KDM5A: variants seen among roughly 807,000 people sequenced by gnomAD.
The protein encoded by KDM5A is lysine demethylase 5A.
A neutral mutation model predicts 193.5 loss-of-function variants in KDM5A; 42 were observed. That is an observed-to-expected ratio of 0.22 (90% CI 0.17 to 0.28). The LOEUF (loss-of-function observed/expected upper bound fraction) is 0.28. KDM5A is among the 10% of genes least tolerant of loss of function. The pLI, the probability that KDM5A is intolerant of heterozygous loss-of-function variation, is 1.00. For synonymous variants in KDM5A, 796 were observed against 718.1 expected, an observed-to-expected ratio of 1.11 and a Z score of -1.73; for missense variants, 1,692 against 2,055.1, an observed-to-expected ratio of 0.82 and a Z score of 3.42.
rs1944216676 is a variant in KDM5A at position 355,182 on chromosome 12, C to A, written c.846G>T (p.Arg282=). 1.2e-6 allele frequency: 2 copies of A among 1,609,950 alleles called. No homozygotes were observed. The highest frequency in any genetic ancestry group is 1.7e-6 in the Non-Finnish European group (2 of 1,176,288). ...SDAFNMQMRQ[R]KGTLSVNFVD... is the part of the protein sequence containing the mutation. ...CAAAGTTAACAGAGAGAGTGCCTTT[C>A]CGTTGTCTCATTTGCATGTTAAATG... is the stretch of plus-strand genomic sequence containing the variant. Residue 282 remains arginine, a synonymous_variant, in exon 7 of 28, where the codon CGG becomes CGT. Transcript: ENST00000399788.
intron 13 of KDM5A, among the ~76,000 whole-genome samples, chr12:329,815 C>CA (rs549287038): frequency 2.0e-5 from 3 of 152,080 alleles, no homozygotes; most frequent in Non-Finnish European, 4.4e-5. Flanking sequence ...CGTATATACG[C>CA]ACTCCAACTT....
chr12:369,687 T>C (rs1565549160), intron 3 of KDM5A, among the ~76,000 whole-genome samples: 1 of 152,162 alleles, frequency 6.6e-6, no homozygotes. Flanking sequence ...GTCAGAAGCA[T>C]GTCTAGAGTG....
intron 14 of KDM5A, among the ~76,000 whole-genome samples, chr12:327,447 C>T (rs1258294609): frequency 6.6e-6 from 1 of 152,202 alleles, no homozygotes; most frequent in Admixed American, 6.5e-5. Context: ...CAGTGGTTCA[C>T]ACCTGTAATC....
At chr12:322,733 A>C (rs1359133323) in intron 16 of KDM5A, among the ~76,000 whole-genome samples, 166 bp from the exon 17 acceptor site, 1 of 152,204 alleles carries the variant, frequency 6.6e-6, no homozygotes, top group East Asian at 1.9e-4. Flanking sequence ...ATAAAAGCTA[A>C]CAACCAGGTG....
Position 354,172 on chromosome 12 carries a change from A to G in KDM5A, c.933T>C (p.Cys311=). Residue 311 remains cysteine (C), a synonymous_variant, in exon 8 of 28, where the codon TGT becomes TGC. Transcript: ENST00000399788. The part of the protein sequence containing the change: ...RGNNEDKLLL[C]DGCDDSYHTF... ...TATGATAGCTGTCATCACATCCATC[A>G]CACAAAAGCAATTTATCTTCATTGT... The G allele has an allele frequency of 6.2e-7, 1 of 1,612,006 alleles. No homozygotes were observed. Among genetic ancestry groups the G allele is most frequent in the Non-Finnish European group, 8.5e-7 (1 of 1,178,146 alleles).
chr12:321,872 A>T (rs572343438), intron 17 of KDM5A, among the ~76,000 whole-genome samples: 1 of 152,192 alleles, frequency 6.6e-6, no homozygotes, highest in Non-Finnish European at 1.5e-5. Context: ...TCTAAGCACA[A>T]GAAATATGGC....
In KDM5A at chr12:340,716, A is replaced by AAC. The variant is rs1344620520; in HGVS notation, c.1309-6295_1309-6294insGT. On this transcript the variant is annotated intron_variant, in intron 10 of 27. Coordinates refer to ENST00000399788, the MANE Select transcript of KDM5A (RefSeq NM_001042603.3). The stretch of plus-strand genomic sequence containing the variant: ...TCACAAAAAAAAAAAAAAAAAAAAA[A>AAC]AAACCATTAGCACAAATGCTTGACC... Among the ~76,000 whole-genome samples the AAC allele has an allele frequency of 4.3e-3, 640 of 150,576 alleles. 2 individuals carry two copies. The highest frequency in any genetic ancestry group is 0.015 in the African/African-American group (602 of 40,382).
chr12:295,742 C>G lies in KDM5A; in HGVS notation c.4286G>C (p.Ser1429Thr). ...QPRKSPLVPR[S>T]LEPPVLELSP... Reference sequence around the variant, plus strand: ...CAACTCCAGCACTGGAGGTTCCAAACTTCGGGGCACCAAAGGGCTCTTCCG... The same window carrying G: ...CAACTCCAGCACTGGAGGTTCCAAAGTTCGGGGCACCAAAGGGCTCTTCCG... Residue 1429 changes from serine (S) to threonine (T), a missense_variant, in exon 26 of 28, where the codon AGT becomes ACT. Ser to Thr is a moderately conservative substitution (Grantham distance 58). Around this residue, in one of 11 missense-constraint regions of KDM5A, gnomAD observed 965 missense variants for 1,061.0 expected, o/e 0.91. Coordinates refer to ENST00000399788, the MANE Select transcript of KDM5A (RefSeq NM_001042603.3). 1 of 1,614,120 alleles carries G rather than the reference C, an allele frequency of 6.2e-7. No homozygotes were observed.
Position 307,233 on chromosome 12 carries a change from T to G in KDM5A, c.3931-144A>C. 9.2e-7 allele frequency: 1 copy of G among 1,089,842 alleles called. No homozygotes were observed. Among genetic ancestry groups the G allele is most frequent in the Non-Finnish European group, 1.4e-6 (1 of 734,470 alleles). 67.5% of individuals were successfully genotyped at this position (1,089,842 alleles called of 1,614,324 possible). Reference sequence around the variant, plus strand: ...AACAGTTAGTAGAAATCAAATTATTTGATTATGATGCCAAAGTCCACCTGA... The same window carrying G: ...AACAGTTAGTAGAAATCAAATTATTGGATTATGATGCCAAAGTCCACCTGA... On this transcript the variant is annotated intron_variant, in intron 23 of 27. Transcript: ENST00000399788. This position sits in a 1 kb window ranked among gnomAD's most constrained non-coding sequence, Gnocchi z 4.3.
chr12:378,684 C>A (rs1331856188), intron 3 of KDM5A, among the ~76,000 whole-genome samples: 3 of 152,206 alleles, frequency 2.0e-5, no homozygotes, highest in Admixed American at 6.5e-5. Context: ...TTCAGCCAGG[C>A]ACGGTGGCTC....
At position 284,501 on chromosome 12, in the gene KDM5A, G is replaced by A. The variant is rs916717189; in HGVS notation, c.*955C>T. The A allele has an allele frequency of 3.4e-5, 8 of 232,584 alleles. No individual in the cohort carries two copies. The highest frequency in any genetic ancestry group is 6.0e-5 in the Non-Finnish European group (7 of 117,454). 14.4% of individuals were successfully genotyped at this position (232,584 alleles called of 1,614,324 possible). A position where few individuals can be genotyped will look rare whatever the true frequency, so the allele number is the denominator to read the frequency against. On this transcript the variant is annotated 3_prime_UTR_variant, in exon 28 of 28. Coordinates refer to ENST00000399788, the MANE Select transcript of KDM5A (RefSeq NM_001042603.3). ...GGTCAGGGCTGCAAGGCAAAAAGCT[G>A]TTATTTGCTGGTCTTGCTCATGGCC...
chr12:355,115 A>G, intron 7 of KDM5A, 43 bp downstream of exon 7: 1 of 1,215,572 alleles, frequency 8.2e-7, no homozygotes, highest in Non-Finnish European at 1.2e-6. Context: ...AAACTATAAT[A>G]AAAATAAATC....
intron 3 of KDM5A, among the ~76,000 whole-genome samples, chr12:371,251 A>C (rs549983470): frequency 6.6e-6 from 1 of 152,232 alleles, no homozygotes; most frequent in African/African-American, 2.4e-5. Context: ...AATTGTTCCT[A>C]TTTCTCCACA....
At chr12:289,907 C>CTTTTTT (rs750918968) in intron 27 of KDM5A, among the ~76,000 whole-genome samples, 16 of 99,654 alleles carry the variant, frequency 1.6e-4, no homozygotes, top group Non-Finnish European at 2.5e-4. Flanking sequence ...TTCTTTCTTT[C>CTTTTTT]TTTTTTTTTT....
At chr12:378,506 C>A (rs530271115) in intron 3 of KDM5A, among the ~76,000 whole-genome samples, 2 of 152,316 alleles carry the variant, frequency 1.3e-5, no homozygotes, top group Non-Finnish European at 2.9e-5. Context: ...CTCAAATGAT[C>A]CTCCTGCCTC....
At chr12:322,281 G>C (rs1399109435) in intron 17 of KDM5A, 136 bp downstream of exon 17, 5 of 726,834 alleles carry the variant, frequency 6.9e-6, no homozygotes, top group Non-Finnish European at 9.5e-6. Flanking sequence ...TAAAACTGGA[G>C]CATTACTGGG....
chr12:305,916 A>G (rs1308976725), intron 24 of KDM5A, among the ~76,000 whole-genome samples: 1 of 151,098 alleles, frequency 6.6e-6, no homozygotes, highest in Non-Finnish European at 1.5e-5. Context: ...GTGACATTCT[A>G]TCTAGCACCA....
intron 3 of KDM5A, among the ~76,000 whole-genome samples, chr12:376,345 G>C (rs2137487128): frequency 6.6e-6 from 1 of 152,330 alleles, no homozygotes; most frequent in Middle Eastern, 3.4e-3. Context: ...TGCTAGCAAT[G>C]AGCGAGGCTC....
At chr12:317,341 T>C (rs2137402334) in intron 19 of KDM5A, among the ~76,000 whole-genome samples, 1 of 152,342 alleles carries the variant, frequency 6.6e-6, no homozygotes, top group Non-Finnish European at 1.5e-5. Context: ...ACCTAAGTTC[T>C]TATTTTTCTC....
Sources: allele counts gnomAD v4.1 joint callset (sites outside exome capture counted in the v4.1 genomes callset), GRCh38; gene constraint gnomAD v4.1.1; regional missense constraint gnomAD v4.1.1; non-coding constraint Gnocchi (gnomAD v3.1); transcripts MANE v1.5; gene names NCBI Gene and HGNC (gene_info 2026-07-23, HGNC 2026-07-21).